Variants in RELCH observed in about 807,000 individuals in gnomAD.
RELCH encodes the protein RAB11 binding and LisH domain, coiled-coil and HEAT repeat containing.
Under a neutral mutation model 150.3 loss-of-function variants are expected in RELCH, and 41 were observed. The observed-to-expected ratio is 0.27, with a 90% CI of 0.21 to 0.35. RELCH has a LOEUF of 0.35. Among genes scored for constraint, RELCH ranks in the 10% least tolerant of loss-of-function variants. The probability of loss-of-function intolerance (pLI) is 1.00; values close to 1 mark genes in which losing one functional copy is unlikely to be tolerated. For synonymous variants in RELCH, 478 were observed against 531.8 expected (o/e 0.90, Z 1.39); for missense variants, 1,092 against 1,467.8 (o/e 0.74, Z 4.18).
rs375138314 is a variant in RELCH, at chr18:62,309,672, C to T, written c.*4138C>T. The stretch of plus-strand genomic sequence containing the variant: ...AACTGTTTGCTTTTCTCCAGAGAGG[C>T]GTCAATAAATCTGGGAAATTCTGTC... On this transcript the variant is annotated 3_prime_UTR_variant, in exon 29 of 29. Coordinates refer to ENST00000644646, the MANE Select transcript of RELCH (RefSeq NM_001346231.2). The T allele has an allele frequency of 2.6e-5, 4 of 152,214 alleles. No individual in the cohort carries two copies. The highest frequency in any genetic ancestry group is 4.2e-4 in the South Asian group (2 of 4,818). 9.4% of individuals were successfully genotyped at this position (152,214 alleles called of 1,614,324 possible). A position where few individuals can be genotyped will look rare whatever the true frequency, so the allele number is the denominator to read the frequency against.
rs747601098 is a variant in RELCH at position 62,211,207 on chromosome 18, A to T, written c.581A>T (p.Asp194Val). The change falls in exon 2 of 29, where the codon GAT becomes GTT. Residue 194 changes from aspartate to valine, a missense_variant. By Grantham distance (152) the Asp-to-Val change is radical. Transcript: ENST00000644646. ...LDSLDFARYS[D>V]DGNRETDEKV... ...TCTTTAGACTTTGCAAGATATTCAGATGATGGTAACAGGGAAACAGATGAA... is the reference window on the plus strand; with the variant it reads ...TCTTTAGACTTTGCAAGATATTCAGTTGATGGTAACAGGGAAACAGATGAA... The T allele has an allele frequency of 6.2e-7, 1 of 1,610,564 alleles. No homozygotes were observed. Among genetic ancestry groups the T allele is most frequent in the Non-Finnish European group, 8.5e-7 (1 of 1,177,146 alleles).
chr18:62,248,987 G>A (rs887744173), intron 11 of RELCH, among the ~76,000 whole-genome samples: 14 of 152,216 alleles, frequency 9.2e-5, no homozygotes, highest in Admixed American at 8.5e-4. Flanking sequence ...AAGCATCCTG[G>A]ATGGGTGGAT....
At position 62,254,735 on chromosome 18, in the gene RELCH, A is replaced by G. The variant is rs566660014; in HGVS notation, c.1825-672A>G. On this transcript the variant is annotated intron_variant, in intron 12 of 28. Transcript: ENST00000644646. ...AATTATGTCACCTTTTCATATGGGA[A>G]TATGAGAACAAATATACTCCTTTTC... The G allele has an allele frequency of 5.3e-5, 8 of 152,264 alleles. No homozygotes were observed. The South Asian group carries it at 1.4e-3, about 28-fold the overall frequency. 9.4% of individuals were successfully genotyped at this position (152,264 alleles called of 1,614,324 possible).
chr18:62,282,847 G>A (rs1292721193), intron 25 of RELCH, among the ~76,000 whole-genome samples: 1 of 152,096 alleles, frequency 6.6e-6, no homozygotes, highest in East Asian at 1.9e-4. Context: ...TCGTAGAGAC[G>A]GGGTTTTGCC....
chr18:62,296,677 A>C (rs2045426051), intron 27 of RELCH, among the ~76,000 whole-genome samples: 1 of 152,012 alleles, frequency 6.6e-6, no homozygotes, highest in South Asian at 2.1e-4. Flanking sequence ...GCCCTTTATC[A>C]GGTTGAGGAA....
intron 17 of RELCH, 31 bp downstream of exon 17, chr18:62,264,176 A>G (rs2144721988): frequency 6.5e-7 from 1 of 1,537,280 alleles, no homozygotes; most frequent in African/African-American, 1.4e-5. Flanking sequence ...TAATTTGAAT[A>G]GATGATAACT....
At chr18:62,280,499 C>T (rs2044453594) in intron 23 of RELCH, 147 bp from the exon 24 acceptor site, 1 of 1,503,890 alleles carries the variant, frequency 6.6e-7, no homozygotes, top group Non-Finnish European at 9.2e-7. Flanking sequence ...GAGCATTCTT[C>T]TTGGTCTGCT....
rs1448792833 is a variant in RELCH at position 62,264,921 on chromosome 18, CAG to C, written c.2631+70_2631+71del. On this transcript the variant is annotated intron_variant, in intron 18 of 28. Transcript: ENST00000644646. ...GAAATGTAATGTGTTAACACTGTAA[CAG>C]GGTAAATAAAAGCATGAACCATTCT... The C allele has an allele frequency of 5.7e-6, 7 of 1,232,236 alleles. No individual in the cohort carries two copies. In the African/African-American group the frequency reaches 6.1e-5, roughly 11 times the overall value. 76.3% of individuals were successfully genotyped at this position (1,232,236 alleles called of 1,614,324 possible). A position where few individuals can be genotyped will look rare whatever the true frequency, so the allele number is the denominator to read the frequency against.
At chr18:62,211,938 T>C (rs1254812850) in intron 2 of RELCH, among the ~76,000 whole-genome samples, 2 of 151,990 alleles carry the variant, frequency 1.3e-5, no homozygotes, top group East Asian at 1.9e-4. Context: ...TTAAAGAGGG[T>C]TAATGATTGG....
chr18:62,244,590 AAAC>A, intron 10 of RELCH, among the ~76,000 whole-genome samples, 171 bp from the exon 11 acceptor site: 1 of 152,218 alleles, frequency 6.6e-6, no homozygotes, highest in East Asian at 1.9e-4. Flanking sequence ...ACCAACACAT[AAAC>A]GTTTTAGTGT....
Position 62,228,372 on chromosome 18 carries a change from T to C in RELCH, c.1222T>C (p.Leu408=). The C allele has an allele frequency of 6.2e-7, 1 of 1,613,368 alleles. No homozygotes were observed. The highest frequency in any genetic ancestry group is 8.5e-7 in the Non-Finnish European group (1 of 1,179,554). The stretch of plus-strand genomic sequence containing the variant: ...AGTTTGTGACTCTGTTCAGCCTCCT[T>C]TGGATCAGTTGCCCCACAAAGACTC... ...PAVCDSVQPP[L]DQLPHKDSED... The change falls in exon 8 of 29, where the codon TTG becomes CTG. Residue 408 remains leucine (L), a synonymous_variant. Transcript: ENST00000644646.
chr18:62,265,332 A>G (rs961613023), intron 18 of RELCH, among the ~76,000 whole-genome samples: 1 of 152,040 alleles, frequency 6.6e-6, no homozygotes, highest in African/African-American at 2.4e-5. Context: ...TAAATTCTAC[A>G]TGTTTCAGTC....
chr18:62,285,503 C>G (rs1002757755), intron 25 of RELCH: 4 of 152,210 alleles, frequency 2.6e-5, no homozygotes, highest in Non-Finnish European at 5.9e-5. Context: ...TGTCTATAGT[C>G]CCACCTACTC....
intron 12 of RELCH, among the ~76,000 whole-genome samples, chr18:62,254,163 G>A (rs181859543): frequency 6.6e-6 from 1 of 152,026 alleles, no homozygotes. Flanking sequence ...ACAATGCATT[G>A]AATCTATAGA....
intron 18 of RELCH, among the ~76,000 whole-genome samples, chr18:62,266,036 A>G (rs1003354575): frequency 6.7e-6 from 1 of 150,078 alleles, no homozygotes; most frequent in Non-Finnish European, 1.5e-5. Context: ...CAAAACAAGT[A>G]GCTATTTTTT....
At chr18:62,292,350 C>T (rs929045522) in intron 27 of RELCH, among the ~76,000 whole-genome samples, 6 of 152,238 alleles carry the variant, frequency 3.9e-5, no homozygotes, top group Middle Eastern at 3.4e-3. Context: ...TTCAAAACTC[C>T]TGTGGCTCCT....
intron 10 of RELCH, among the ~76,000 whole-genome samples, chr18:62,240,181 C>T (rs2042074064): frequency 6.6e-6 from 1 of 151,762 alleles, no homozygotes; most frequent in South Asian, 2.1e-4. Flanking sequence ...ACTGATAAGC[C>T]AAGGATATCT....
chr18:62,305,560 C>A lies in RELCH; in HGVS notation c.*26C>A, dbSNP rs78688877. 1,548 of 1,591,218 alleles carry A rather than the reference C, an allele frequency of 9.7e-4. 15 individuals are homozygous for A. In the African/African-American group the frequency reaches 0.019, roughly 19 times the overall value. ...AAGCAGGAAAGAAGCCCCCAGTAAA[C>A]ACTAAGATGGACCTCAAGCCGACTG... On this transcript the variant is annotated 3_prime_UTR_variant, in exon 29 of 29. Transcript: ENST00000644646. This position sits in a 1 kb window ranked among gnomAD's most constrained non-coding sequence, Gnocchi z 4.0.
chr18:62,307,802 T>C lies in RELCH; in HGVS notation c.*2268T>C, dbSNP rs1227295765. 6.6e-6 allele frequency: 1 copy of C among 152,168 alleles called. No individual in the cohort carries two copies. Among genetic ancestry groups the C allele is most frequent in the Non-Finnish European group, 1.5e-5 (1 of 68,016 alleles). The allele number at this position is 152,168 out of a possible 1,614,324, so 9.4% of individuals were successfully genotyped here. A position where few individuals can be genotyped will look rare whatever the true frequency, so the allele number is the denominator to read the frequency against. On this transcript the variant is annotated 3_prime_UTR_variant, in exon 29 of 29. Coordinates refer to ENST00000644646, the MANE Select transcript of RELCH (RefSeq NM_001346231.2). ...AATTATACCTGTGTTTCCAGAGTAA[T>C]CCAGAGATTAAATTTTTTCAGAAAT...
Sources: allele counts gnomAD v4.1 joint callset (sites outside exome capture counted in the v4.1 genomes callset), GRCh38; gene constraint gnomAD v4.1.1; non-coding constraint Gnocchi (gnomAD v3.1); transcripts MANE v1.5; gene names NCBI Gene and HGNC (gene_info 2026-07-23, HGNC 2026-07-21).